CCDC77: variants seen among roughly 807,000 people sequenced by gnomAD.
CCDC77 encodes coiled-coil domain containing 77.
In CCDC77, 56 loss-of-function variants were observed where a neutral mutation model predicts 66.8. The observed-to-expected ratio is 0.84, with a 90% CI of 0.68 to 1.05. The LOEUF is 1.05. CCDC77 is among the 50% of genes least tolerant of loss of function. CCDC77 has a pLI of 0.00. For synonymous variants in CCDC77, 196 were observed against 195.2 expected (o/e 1.00, Z -0.03); for missense variants, 570 against 576.8 (o/e 0.99, Z 0.12).
intron 1 of CCDC77, among the ~76,000 whole-genome samples, chr12:393,666 C>T (rs967633769): frequency 5.9e-5 from 9 of 151,894 alleles, no homozygotes; most frequent in African/African-American, 1.7e-4. Flanking sequence ...TGAGTAGCTG[C>T]GATTACAGGC....
chr12:434,984 A>G (rs923349682), intron 9 of CCDC77, among the ~76,000 whole-genome samples: 1 of 149,824 alleles, frequency 6.7e-6, no homozygotes, highest in Non-Finnish European at 1.5e-5. Context: ...ATCTAGTTTC[A>G]TGGTATCACA....
rs1944946365 is a variant in CCDC77, at chr12:404,041, A to AGGCACGTTGGCACGTG, written c.-70-1465_-70-1464insGTTGGCACGTGGGCAC. On this transcript the variant is annotated intron_variant, in intron 1 of 12. Coordinates refer to ENST00000239830, the MANE Select transcript of CCDC77 (RefSeq NM_032358.4). ...TTTTTAAAGGGTAGTTGGCACTACCAGGCACAGTGGCTCACGCCTGTAATC... is the reference window on the plus strand; with the variant it reads ...TTTTTAAAGGGTAGTTGGCACTACCAGGCACGTTGGCACGTGGGCACAGTGGCTCACGCCTGTAATC... Among the ~76,000 whole-genome samples the AGGCACGTTGGCACGTG allele has an allele frequency of 4.6e-5, 7 of 152,330 alleles. No homozygotes were observed. In the South Asian group the frequency reaches 1.4e-3, roughly 32 times the overall value.
At chr12:408,089 A>G (rs1220267854) in intron 2 of CCDC77, among the ~76,000 whole-genome samples, 2 of 152,088 alleles carry the variant, frequency 1.3e-5, no homozygotes, top group African/African-American at 4.8e-5. Context: ...ACCCGGCCAC[A>G]GGACTGAAGA....
chr12:426,988 G>A (rs1945544586), intron 5 of CCDC77, among the ~76,000 whole-genome samples: 1 of 152,168 alleles, frequency 6.6e-6, no homozygotes, highest in Admixed American at 6.5e-5. Flanking sequence ...CTTGGGGCTG[G>A]TAATCCCAGC....
intron 4 of CCDC77, among the ~76,000 whole-genome samples, chr12:415,374 C>CGTAATATTATGTTAATATAATT: frequency 9.6e-6 from 1 of 103,964 alleles, no homozygotes; most frequent in South Asian, 3.1e-4. Context: ...TTAATATAAT[C>CGTAATATTATGTTAATATAATT]AACATAATAT....
At chr12:411,217 A>G (rs1565565613) in intron 3 of CCDC77, among the ~76,000 whole-genome samples, 2 of 151,604 alleles carry the variant, frequency 1.3e-5, no homozygotes, top group Non-Finnish European at 2.9e-5. Flanking sequence ...CTCTGTCGCC[A>G]GGCTGGAGTG....
At chr12:440,524 C>A in intron 10 of CCDC77, 93 bp from the exon 11 acceptor site, 2 of 1,434,506 alleles carry the variant, frequency 1.4e-6, no homozygotes, top group Non-Finnish European at 9.5e-7. Flanking sequence ...CTCTGGAAAT[C>A]CCTTCTTTTC....
rs780970202 is a variant in CCDC77, at chr12:433,280, A to G, written c.779A>G (p.Gln260Arg). ...RRIHLEEIQV[Q>R]HQRNQNKIKE... is the part of the protein sequence containing the mutation. ...ATTCACCTTGAGGAAATACAAGTTC[A>G]GCACCAGAGAAATCAGAACAAAATC... Residue 260 changes from glutamine (Q) to arginine (R), a missense_variant, in exon 9 of 13, where the codon CAG becomes CGG. By Grantham distance (43) the Gln-to-Arg change is conservative. Coordinates refer to ENST00000239830, the MANE Select transcript of CCDC77 (RefSeq NM_032358.4). The G allele has an allele frequency of 3.7e-6, 6 of 1,614,136 alleles. No homozygotes were observed. The highest frequency in any genetic ancestry group is 5.1e-6 in the Non-Finnish European group (6 of 1,180,032).
At chr12:434,655 C>T (rs1354719184) in intron 9 of CCDC77, among the ~76,000 whole-genome samples, 5 of 152,170 alleles carry the variant, frequency 3.3e-5, no homozygotes, top group South Asian at 4.1e-4. Context: ...CCTGGCCTAC[C>T]TCTTAACTTC....
intron 8 of CCDC77, among the ~76,000 whole-genome samples, chr12:432,471 A>G (rs974798276): frequency 3.3e-5 from 5 of 152,212 alleles, no homozygotes; most frequent in Non-Finnish European, 7.3e-5. Context: ...TTTGGCCAGT[A>G]TCTCCATGTG....
At chr12:441,703 T>C (rs1945859934) in intron 12 of CCDC77, 71 bp from the exon 13 acceptor site, 2 of 1,532,934 alleles carry the variant, frequency 1.3e-6, no homozygotes, top group Admixed American at 3.9e-5. Context: ...AGCTGTGTCT[T>C]TTTGACTGAT....
intron 3 of CCDC77, among the ~76,000 whole-genome samples, chr12:411,235 A>G (rs1171322612): frequency 1.3e-5 from 2 of 151,410 alleles, no homozygotes; most frequent in Non-Finnish European, 2.9e-5. Context: ...GTGCAATGGC[A>G]TGATCTCGAC....
At chr12:415,603 A>G (rs970915426) in intron 4 of CCDC77, among the ~76,000 whole-genome samples, 16 of 151,186 alleles carry the variant, frequency 1.1e-4, no homozygotes, top group African/African-American at 3.9e-4. Context: ...TTTTTATCAC[A>G]TTATGTATGT....
intron 9 of CCDC77, among the ~76,000 whole-genome samples, chr12:435,651 G>A (rs988869779): frequency 2.0e-5 from 3 of 152,186 alleles, no homozygotes; most frequent in African/African-American, 7.2e-5. Flanking sequence ...CCATACTTAT[G>A]CAGGCTATGT....
Position 430,725 on chromosome 12 carries a change from C to T in CCDC77, c.572C>T (p.Ala191Val), listed in dbSNP as rs1945633608. Residue 191 changes from alanine (A) to valine (V), a missense_variant, in exon 7 of 13, where the codon GCT becomes GTT. Physicochemically the swap from Ala to Val is moderately conservative, Grantham distance 64. Coordinates refer to ENST00000239830, the MANE Select transcript of CCDC77 (RefSeq NM_032358.4). ...VGECEQSESS[A>V]FKADPKISKR... ...GAATGTGAGCAGAGTGAATCTTCAG[C>T]TTTCAAAGCAGGTAACAACCATATA... 3 of 1,612,018 alleles carry T rather than the reference C, an allele frequency of 1.9e-6. No individual in the cohort carries two copies. The highest frequency in any genetic ancestry group is 1.7e-6 in the Non-Finnish European group (2 of 1,178,060).
intron 8 of CCDC77, 118 bp from the exon 9 acceptor site, chr12:433,056 T>G: frequency 1.5e-4 from 161 of 1,048,418 alleles, no homozygotes; most frequent in Non-Finnish European, 2.0e-4. Context: ...GGATTAGGAT[T>G]GAGATGTTTT....
exon 1 of CCDC77, chr12:389,372 C>A: frequency 1.7e-6 from 1 of 594,228 alleles, no homozygotes; most frequent in Non-Finnish European, 3.0e-6. Context: ...CTGCACGACG[C>A]CTGTGTGTCT....
upstream of CCDC77, among the ~76,000 whole-genome samples, chr12:399,175 AT>A (rs36027759): frequency 1.3e-3 from 198 of 146,886 alleles, no homozygotes; most frequent in Non-Finnish European, 1.2e-3. Context: ...CTTATGAAAT[AT>A]TTTTTTTTTT....
chr12:438,458 G>A lies in CCDC77; in HGVS notation c.945G>A (p.Lys315=), dbSNP rs879184356. The A allele has an allele frequency of 6.2e-7, 1 of 1,613,986 alleles. No homozygotes were observed. The highest frequency in any genetic ancestry group is 2.2e-5 in the East Asian group (1 of 44,868). ...AAGATAATTTGATGTCAAAGATTAA[G>A]CAATATAGGGTGCAGTGTAAGAAGA... ...LEKDNLMSKI[K]QYRVQCKKKE... The change falls in exon 10 of 13, where the codon AAG becomes AAA. Residue 315 remains lysine (K), a synonymous_variant. Coordinates refer to ENST00000239830, the MANE Select transcript of CCDC77 (RefSeq NM_032358.4).
Sources: gnomAD v4.1 joint callset for allele counts (sites outside exome capture counted in the v4.1 genomes callset) on GRCh38, gnomAD v4.1.1 for gene constraint, MANE v1.5 for transcripts, NCBI Gene and HGNC (gene_info 2026-07-23, HGNC 2026-07-21) for gene names.